Variants in LRRC72 observed in about 807,000 individuals in gnomAD.
LRRC72 encodes the protein leucine rich repeat containing 72.
Under a neutral mutation model 35.8 loss-of-function variants are expected in LRRC72, and 41 were observed. That is an observed-to-expected ratio of 1.15 (90% confidence interval 0.89 to 1.49). LRRC72 has a LOEUF of 1.49. LRRC72 is among the 40% of genes most tolerant of loss of function. The pLI, the probability that LRRC72 is intolerant of heterozygous loss-of-function variation, is 0.00. For missense variants in LRRC72, 389 were observed against 330.7 expected, an observed-to-expected ratio of 1.18 and a Z score of -1.37; for synonymous variants, 118 against 119.2, an observed-to-expected ratio of 0.99 and a Z score of 0.07.
chr7:16,561,157 T>C (rs962006542), intron 5 of LRRC72, among the ~76,000 whole-genome samples: 16 of 152,182 alleles, frequency 1.1e-4, no homozygotes, highest in Non-Finnish European at 1.8e-4. Flanking sequence ...CTATTCTAGA[T>C]AATAGGACTC....
chr7:16,562,127 G>A (rs775508342), intron 5 of LRRC72, among the ~76,000 whole-genome samples: 1 of 152,180 alleles, frequency 6.6e-6, no homozygotes, highest in South Asian at 2.1e-4. Flanking sequence ...GCCTAAACCA[G>A]CTGCAGAGTG....
At chr7:16,545,452 C>A (rs1003101316) in intron 3 of LRRC72, among the ~76,000 whole-genome samples, 16 of 152,120 alleles carry the variant, frequency 1.1e-4, no homozygotes, top group Non-Finnish European at 2.1e-4. Context: ...TGCTTTGTAT[C>A]ATGGAATTTC....
chr7:16,557,121 A>T (rs957083052), intron 3 of LRRC72, among the ~76,000 whole-genome samples: 1 of 152,206 alleles, frequency 6.6e-6, no homozygotes, highest in African/African-American at 2.4e-5. Flanking sequence ...TTTGGTTGAG[A>T]TGTGGTAAGA....
intron 3 of LRRC72, among the ~76,000 whole-genome samples, 166 bp from the exon 4 acceptor site, chr7:16,557,194 A>C (rs1782663665): frequency 6.6e-6 from 1 of 152,202 alleles, no homozygotes; most frequent in Non-Finnish European, 1.5e-5. Flanking sequence ...ATCCAAATGT[A>C]ACTTACAGCC....
At position 16,527,050 on chromosome 7, in the gene LRRC72, G is replaced by A. The variant is rs1782082218; in HGVS notation, c.90+8G>A. 5.9e-6 allele frequency: 9 copies of A among 1,536,810 alleles called. No individual in the cohort carries two copies. Among genetic ancestry groups the A allele is most frequent in the South Asian group, 1.2e-5 (1 of 84,050 alleles). On this transcript the variant is annotated splice_region_variant and intron_variant, in intron 1 of 8. Transcript: ENST00000401542. ...CTACAGAGCAGTCGCCGGGTAAGCG[G>A]CACCTGCCTTCCCAAGCCATCAGCC...
rs140738587 is a variant in LRRC72, at chr7:16,573,893, C to A, written c.671-6181C>A. Reference sequence around the variant, plus strand: ...CCTACAGAATAGGAGAAAATTTTTTCAATCCATCCATCTGATGAAGGGCTA... The same window carrying A: ...CCTACAGAATAGGAGAAAATTTTTTAAATCCATCCATCTGATGAAGGGCTA... On this transcript the variant is annotated intron_variant, in intron 7 of 8. Transcript: ENST00000401542. Among the ~76,000 whole-genome samples the A allele has an allele frequency of 7.3e-4, 111 of 152,238 alleles. 3 individuals carry two copies. The East Asian group carries it at 0.016, about 21-fold the overall frequency.
At chr7:16,552,637 C>T (rs1782573384) in intron 3 of LRRC72, among the ~76,000 whole-genome samples, 1 of 152,120 alleles carries the variant, frequency 6.6e-6, no homozygotes, top group African/African-American at 2.4e-5. Flanking sequence ...AGAACACCAC[C>T]TAAGAGGTGG....
chr7:16,548,623 C>T (rs2128336203), intron 3 of LRRC72, among the ~76,000 whole-genome samples: 1 of 152,366 alleles, frequency 6.6e-6, no homozygotes, highest in African/African-American at 2.4e-5. Flanking sequence ...GCCTGTCCTG[C>T]CACAGCCGGC....
chr7:16,530,348 A>AT (rs1444448647), intron 1 of LRRC72: 2 of 152,162 alleles, frequency 1.3e-5, no homozygotes. Flanking sequence ...GCAAGCATGA[A>AT]TTCACATTCC....
intron 6 of LRRC72, among the ~76,000 whole-genome samples, chr7:16,566,874 A>T (rs1782853400): frequency 6.6e-6 from 1 of 152,146 alleles, no homozygotes; most frequent in South Asian, 2.1e-4. Flanking sequence ...AGCATGTCAG[A>T]TTTCTATAAG....
chr7:16,550,400 G>A (rs796722564), intron 3 of LRRC72, among the ~76,000 whole-genome samples: 1 of 152,222 alleles, frequency 6.6e-6, no homozygotes, highest in African/African-American at 2.4e-5. Context: ...TAAATGAGAT[G>A]ACAAGTGTAA....
intron 3 of LRRC72, among the ~76,000 whole-genome samples, chr7:16,542,902 T>C (rs1293197202): frequency 6.6e-6 from 1 of 152,236 alleles, no homozygotes; most frequent in Non-Finnish European, 1.5e-5. Context: ...AAAATCACTA[T>C]CACTTAATTT....
chr7:16,547,559 TA>T (rs1446225629), intron 3 of LRRC72, among the ~76,000 whole-genome samples: 1 of 152,180 alleles, frequency 6.6e-6, no homozygotes, highest in African/African-American at 2.4e-5. Context: ...AGGCCCCTCT[TA>T]TGCCTGCAGG....
chr7:16,581,176 G>T (rs757728984), intron 8 of LRRC72, 148 bp from the exon 9 acceptor site: 12 of 529,754 alleles, frequency 2.3e-5, no homozygotes, highest in Non-Finnish European at 3.7e-5. Flanking sequence ...TCATTTGTCA[G>T]TGGAGCCCGC....
chr7:16,536,231 C>T (rs1782255245), intron 2 of LRRC72, among the ~76,000 whole-genome samples: 1 of 151,870 alleles, frequency 6.6e-6, no homozygotes, highest in Non-Finnish European at 1.5e-5. Context: ...TAAAAAGACT[C>T]AAAGGTTATA....
intron 5 of LRRC72, among the ~76,000 whole-genome samples, chr7:16,563,959 T>C (rs938361289): frequency 1.1e-4 from 17 of 152,194 alleles, no homozygotes; most frequent in African/African-American, 4.1e-4. Flanking sequence ...TAAATCCAAG[T>C]TTGGTGTTTT....
At chr7:16,554,533 T>G (rs189365965) in intron 3 of LRRC72, among the ~76,000 whole-genome samples, 79 of 152,306 alleles carry the variant, frequency 5.2e-4, no homozygotes, top group African/African-American at 1.9e-3. Context: ...CAAATTCTTC[T>G]GATTTAGGGA....
intron 1 of LRRC72, among the ~76,000 whole-genome samples, chr7:16,528,652 G>T (rs561418184): frequency 6.6e-6 from 1 of 152,088 alleles, no homozygotes; most frequent in Non-Finnish European, 1.5e-5. Context: ...TTTCCCAGAG[G>T]CAGTCTTGCT....
chr7:16,549,680 C>T (rs2128336325), intron 3 of LRRC72, among the ~76,000 whole-genome samples: 1 of 152,230 alleles, frequency 6.6e-6, no homozygotes, highest in Non-Finnish European at 1.5e-5. Flanking sequence ...GTCATGAATC[C>T]ATGCCCTCCC....
Sources: allele counts gnomAD v4.1 joint callset (sites outside exome capture counted in the v4.1 genomes callset), GRCh38; gene constraint gnomAD v4.1.1; transcripts MANE v1.5; gene names NCBI Gene and HGNC (gene_info 2026-07-23, HGNC 2026-07-21).